Variants in MMP27 observed in about 807,000 individuals in gnomAD.
MMP27 encodes matrix metallopeptidase 27.
In MMP27, 51 loss-of-function variants were observed where a neutral mutation model predicts 48.1. That is an observed-to-expected ratio of 1.06 (90% CI 0.85 to 1.34). MMP27 has a LOEUF of 1.34. Ranked by LOEUF, MMP27 falls within the 40% of genes most tolerant of loss-of-function variation. The probability of loss-of-function intolerance (pLI) is 0.00; values close to 1 mark genes in which losing one functional copy is unlikely to be tolerated. For synonymous variants in MMP27, 229 were observed against 208.9 expected (o/e 1.10, Z -0.83); for missense variants, 698 against 619.3 (o/e 1.13, Z -1.35).
intron 4 of MMP27, among the ~76,000 whole-genome samples, chr11:102,699,108 A>C (rs1860888580): frequency 6.6e-6 from 1 of 152,160 alleles, no homozygotes; most frequent in African/African-American, 2.4e-5. Flanking sequence ...CTTACCAGGC[A>C]TGTTAGAATT....
rs367930188 is a variant in MMP27, at chr11:102,694,950, G to A, written c.1033+17C>T. ...GGCAGCCAGAGGGAGAAGAGGAATC[G>A]GGATGGGCCAGGTTACCTTTAAAAA... On this transcript the variant is annotated intron_variant, in intron 7 of 9. Transcript: ENST00000260229. 3.0e-5 allele frequency: 49 copies of A among 1,612,902 alleles called. No homozygotes were observed. Among genetic ancestry groups the A allele is most frequent in the Middle Eastern group, 1.6e-4 (1 of 6,070 alleles).
intron 4 of MMP27, among the ~76,000 whole-genome samples, chr11:102,700,511 T>C (rs1860920142): frequency 6.6e-6 from 1 of 152,182 alleles, no homozygotes; most frequent in Admixed American, 6.5e-5. Flanking sequence ...CTAGTTAGGG[T>C]AAGGGTAATT....
intron 2 of MMP27, 66 bp from the exon 3 acceptor site, chr11:102,703,184 C>CA (rs1211762477): frequency 4.6e-5 from 66 of 1,432,562 alleles, no homozygotes; most frequent in East Asian, 1.4e-4. Flanking sequence ...CACATAACTA[C>CA]AAAAAACATT....
At chr11:102,704,113 G>A (rs184697365) in intron 2 of MMP27, among the ~76,000 whole-genome samples, 38 of 152,198 alleles carry the variant, frequency 2.5e-4, no homozygotes, top group Admixed American at 2.3e-3. Context: ...CTGAGATTTG[G>A]CAACTCTCTC....
Position 102,691,590 on chromosome 11 carries a change from A to AT in MMP27, c.*175dup. The AT allele has an allele frequency of 1.9e-6, 1 of 526,134 alleles. No homozygotes were observed. The allele number at this position is 526,134 out of a possible 1,614,324, so 32.6% of individuals were successfully genotyped here. Reference sequence around the variant, plus strand: ...AAATAGGCTTAAAGTACAGTCAGAGATTTTTGTTTCTACATAATAACTTCC... The same window carrying AT: ...AAATAGGCTTAAAGTACAGTCAGAGATTTTTTGTTTCTACATAATAACTTCC... On this transcript the variant is annotated 3_prime_UTR_variant, in exon 10 of 10. Transcript: ENST00000260229.
At chr11:102,696,070 G>A (rs998780313) in intron 6 of MMP27, among the ~76,000 whole-genome samples, 2 of 152,202 alleles carry the variant, frequency 1.3e-5, no homozygotes, top group Non-Finnish European at 2.9e-5. Context: ...CGGAGTGTAA[G>A]TTGGCTTCAG....
chr11:102,693,921 C>A lies in MMP27; in HGVS notation c.1178G>T (p.Gly393Val). 6.3e-7 allele frequency: 1 copy of A among 1,596,658 alleles called. No individual in the cohort carries two copies. Among genetic ancestry groups the A allele is most frequent in the Non-Finnish European group, 8.5e-7 (1 of 1,173,136 alleles). Residue 393 changes from glycine to valine, a missense_variant, in exon 8 of 10, where the codon GGC (glycine) becomes GTC (valine). Transcript: ENST00000260229. ...GTAAACTTACCTCCAGCACCAAATG[C>A]CCACAAAGAAGTAGGTTTTTCTTGT... ...KTTRKTYFFV[G>V]IWCWRFDEMT... is the part of the protein sequence containing the mutation.
chr11:102,700,076 A>G (rs1478225556), intron 4 of MMP27, among the ~76,000 whole-genome samples: 10 of 152,186 alleles, frequency 6.6e-5, no homozygotes, highest in Admixed American at 2.0e-4. Context: ...TTAATTGTCT[A>G]TGTGTCCCTT....
chr11:102,700,157 C>T (rs1400125339), intron 4 of MMP27, among the ~76,000 whole-genome samples: 1 of 152,134 alleles, frequency 6.6e-6, no homozygotes, highest in East Asian at 1.9e-4. Context: ...TATGACAGAG[C>T]CTGAGTCATA....
Position 102,702,849 on chromosome 11 carries a change from G to A in MMP27, c.523C>T (p.Pro175Ser), listed in dbSNP as rs1315817913. ...HGRCPRYFDG[P>S]LGVLGHAFPP... is the part of the protein sequence containing the mutation. ...AAGGCATGGCCAAGCACTCCCAAGG[G>A]ACCATCAAAATAGCGAGGACACCGA... The change falls in exon 4 of 10, where the codon CCC becomes TCC. Residue 175 changes from proline (P) to serine (S), a missense_variant. By Grantham distance (74) the Pro-to-Ser change is moderately conservative. Coordinates refer to ENST00000260229, the MANE Select transcript of MMP27 (RefSeq NM_022122.3). 2.5e-6 allele frequency: 4 copies of A among 1,613,800 alleles called. No individual in the cohort carries two copies. Among genetic ancestry groups the A allele is most frequent in the Admixed American group, 1.7e-5 (1 of 59,948 alleles).
Position 102,696,427 on chromosome 11 carries a change from G to C in MMP27, c.846C>G (p.Asp282Glu). The C allele has an allele frequency of 6.2e-7, 1 of 1,613,862 alleles. No individual in the cohort carries two copies. The highest frequency in any genetic ancestry group is 8.5e-7 in the Non-Finnish European group (1 of 1,179,860). The change falls in exon 6 of 10, where the codon GAC (aspartate) becomes GAG (glutamate). Residue 282 changes from aspartate (D) to glutamate (E), a missense_variant. Transcript: ENST00000260229. ...AAGTTGTGATAGCGTCAAAAGTCAA[G>C]TCAGGGTCACAGGCATGGGGTATAG... ...EPTIPHACDP[D>E]LTFDAITTFR...
intron 7 of MMP27, 35 bp from the exon 8 acceptor site, chr11:102,694,100 G>C: frequency 1.4e-6 from 2 of 1,440,588 alleles, no homozygotes; most frequent in Non-Finnish European, 1.8e-6. Context: ...ATTTTCTAGA[G>C]GGAGAAATAG....
At chr11:102,701,188 C>A (rs963702555) in intron 4 of MMP27, among the ~76,000 whole-genome samples, 13 of 152,266 alleles carry the variant, frequency 8.5e-5, no homozygotes, top group Admixed American at 6.5e-4. Context: ...AGAAGACAAT[C>A]CTTTTTGGAA....
intron 4 of MMP27, among the ~76,000 whole-genome samples, chr11:102,698,596 C>T (rs1860878050): frequency 6.6e-6 from 1 of 152,186 alleles, no homozygotes; most frequent in South Asian, 2.1e-4. Flanking sequence ...CAAACACCTT[C>T]ACATGACCTT....
chr11:102,697,908 A>G (rs1478092880), intron 4 of MMP27, among the ~76,000 whole-genome samples: 1 of 152,164 alleles, frequency 6.6e-6, no homozygotes, highest in Non-Finnish European at 1.5e-5. Flanking sequence ...GATCAGGGTC[A>G]TCCGTATTAC....
At chr11:102,696,628 G>C (rs1260536891) in intron 5 of MMP27, 46 bp downstream of exon 5, 1 of 1,570,028 alleles carries the variant, frequency 6.4e-7, no homozygotes, top group Non-Finnish European at 8.6e-7. Flanking sequence ...TTTCTGAAAA[G>C]CTTCCTATTT....
Position 102,691,840 on chromosome 11 carries a change from A to G in MMP27, c.1468T>C (p.Leu490=), listed in dbSNP as rs1860729736. ...EKAHSGGIKI[L]YHKSLSLFIF... ...AACAAGCTTAAACTCTTATGATACA[A>G]TATCTTTATGCCTCCTGAATGTGCT... Residue 490 remains leucine (L), a synonymous_variant, in exon 10 of 10, where the codon TTG becomes CTG. Transcript: ENST00000260229. 1.9e-6 allele frequency: 3 copies of G among 1,612,912 alleles called. No homozygotes were observed. Among genetic ancestry groups the G allele is most frequent in the Non-Finnish European group, 2.5e-6 (3 of 1,179,268 alleles).
chr11:102,695,956 T>G (rs777673901), intron 6 of MMP27, among the ~76,000 whole-genome samples: 58 of 152,244 alleles, frequency 3.8e-4, no homozygotes, highest in Admixed American at 1.4e-3. Context: ...AATCATTTGC[T>G]GATTTTCAGA....
chr11:102,696,875 C>G, intron 4 of MMP27, 40 bp from the exon 5 acceptor site: 2 of 1,578,192 alleles, frequency 1.3e-6, no homozygotes, highest in Non-Finnish European at 1.7e-6. Flanking sequence ...ATGACTTAAT[C>G]AAAAAGAGAA....
Sources: allele counts gnomAD v4.1 joint callset (sites outside exome capture counted in the v4.1 genomes callset), GRCh38; gene constraint gnomAD v4.1.1; transcripts MANE v1.5; gene names NCBI Gene and HGNC (gene_info 2026-07-23, HGNC 2026-07-21).